Variants in MEF2C observed in about 807,000 individuals in gnomAD.
The protein encoded by MEF2C is myocyte enhancer factor 2C, also known as myocyte-specific enhancer factor 2C.
MEF2C carries 6 observed loss-of-function variants against 50.5 expected under a neutral mutation model. That is an observed-to-expected ratio of 0.12 (90% confidence interval 0.07 to 0.23). MEF2C has a LOEUF of 0.23. MEF2C is among the 10% of genes least tolerant of loss of function. The pLI is 1.00. For missense variants in MEF2C, 276 were observed against 605.0 expected (o/e 0.46, Z 5.70); for synonymous variants, 183 against 228.0 (o/e 0.80, Z 1.78).
chr5:88,724,319 G>GC lies in MEF2C; in HGVS notation c.1101-1395dup, dbSNP rs151260801. Among the ~76,000 whole-genome samples the GC allele has an allele frequency of 3.2e-4, 49 of 152,112 alleles. No homozygotes were observed. The East Asian group carries it at 8.1e-3, about 25-fold the overall frequency. ...ACTTGGGGCTGGCTTTTTGGGAGAT[G>GC]CAATACAAACTCAAGATGTATAGTG... On this transcript the variant is annotated intron_variant, in intron 10 of 10. Coordinates refer to ENST00000504921, the MANE Select transcript of MEF2C (RefSeq NM_002397.5).
At chr5:88,873,427 A>ATACTTTGAAGCAAGAAGGAAGC (rs1830121593) in intron 1 of MEF2C, among the ~76,000 whole-genome samples, 2 of 152,054 alleles carry the variant, frequency 1.3e-5, no homozygotes, top group Non-Finnish European at 1.5e-5. Flanking sequence ...ACGATACCAA[A>ATACTTTGAAGCAAGAAGGAAGC]TACTTTGAAG....
intron 6 of MEF2C, chr5:88,743,392 A>T: frequency 4.1e-6 from 4 of 985,332 alleles, no homozygotes; most frequent in Non-Finnish European, 4.8e-6. Flanking sequence ...GAAATTTTTG[A>T]TAAGTATTCT....
intron 2 of MEF2C, among the ~76,000 whole-genome samples, chr5:88,811,670 C>T (rs1205992861): frequency 2.6e-5 from 4 of 151,938 alleles, no homozygotes; most frequent in Admixed American, 2.6e-4. Flanking sequence ...AATAAAATAA[C>T]TTTTTTTGTA....
At chr5:88,813,873 AT>A (rs535410266) in intron 2 of MEF2C, among the ~76,000 whole-genome samples, 2 of 151,754 alleles carry the variant, frequency 1.3e-5, no homozygotes, top group African/African-American at 4.8e-5. Context: ...AGGTTTGATC[AT>A]TTTTTTTCCC....
intron 2 of MEF2C, among the ~76,000 whole-genome samples, chr5:88,806,048 T>G: frequency 1.3e-5 from 2 of 152,164 alleles, no homozygotes; most frequent in South Asian, 4.2e-4. Flanking sequence ...TTTTAAACTT[T>G]GTTTAACTTG....
At chr5:88,889,525 C>T (rs1463829303) in intron 1 of MEF2C, 1 of 153,240 alleles carries the variant, frequency 6.5e-6, no homozygotes, top group East Asian at 1.9e-4. Context: ...AGGAGGCAGG[C>T]TCTGGGCCCT....
chr5:88,873,528 GC>G (rs1426952434), intron 1 of MEF2C, among the ~76,000 whole-genome samples: 1 of 151,914 alleles, frequency 6.6e-6, no homozygotes, highest in Non-Finnish European at 1.5e-5. Flanking sequence ...TTTTTTTGAA[GC>G]TATAAAATGA....
At chr5:88,827,871 T>A (rs1811532437) in intron 1 of MEF2C, among the ~76,000 whole-genome samples, 1 of 147,106 alleles carries the variant, frequency 6.8e-6, no homozygotes, top group Non-Finnish European at 1.5e-5. Context: ...AAAAAATCAA[T>A]GCATGCTGGT....
chr5:88,747,330 C>T (rs1485160992), intron 6 of MEF2C, among the ~76,000 whole-genome samples: 10 of 38,880 alleles, frequency 2.6e-4, no homozygotes, highest in African/African-American at 3.9e-4. Context: ...TTTTTTTTTA[C>T]TACTTTTTTT....
At chr5:88,741,610 T>C (rs1469245682) in intron 6 of MEF2C, 19 of 982,392 alleles carry the variant, frequency 1.9e-5, no homozygotes, top group Non-Finnish European at 2.3e-5. Context: ...GTTATAATGT[T>C]TGAATATGTA....
intron 1 of MEF2C, among the ~76,000 whole-genome samples, chr5:88,894,326 T>G (rs1181092932): frequency 6.6e-6 from 1 of 152,222 alleles, no homozygotes; most frequent in African/African-American, 2.4e-5. Context: ...CTATACTGCT[T>G]CCTTGTATTC....
chr5:88,834,173 C>A (rs907119617), intron 1 of MEF2C, among the ~76,000 whole-genome samples: 2 of 152,056 alleles, frequency 1.3e-5, no homozygotes, highest in Admixed American at 1.3e-4. Context: ...AGTTAAATGT[C>A]AGAAATGAGA....
At chr5:88,830,181 G>C (rs966428582) in intron 1 of MEF2C, among the ~76,000 whole-genome samples, 3 of 151,982 alleles carry the variant, frequency 2.0e-5, no homozygotes, top group Non-Finnish European at 2.9e-5. Flanking sequence ...CTACGGAAGA[G>C]CTTCAGGCTG....
At chr5:88,846,536 T>C (rs963917515) in intron 1 of MEF2C, among the ~76,000 whole-genome samples, 1 of 152,166 alleles carries the variant, frequency 6.6e-6, no homozygotes, top group African/African-American at 2.4e-5. Flanking sequence ...AAAAGAAAAT[T>C]AAGCAGTAAA....
At chr5:88,855,791 G>A (rs1320770391) in intron 1 of MEF2C, among the ~76,000 whole-genome samples, 1 of 152,196 alleles carries the variant, frequency 6.6e-6, no homozygotes, top group East Asian at 1.9e-4. Flanking sequence ...CAGCCTTGTG[G>A]AACTGTGAGT....
intron 2 of MEF2C, among the ~76,000 whole-genome samples, chr5:88,822,863 A>C (rs1809066406): frequency 1.3e-5 from 2 of 151,986 alleles, no homozygotes. Context: ...TCCATGATCC[A>C]TATGAGATGG....
chr5:88,736,920 A>C, intron 6 of MEF2C: 3 of 985,364 alleles, frequency 3.0e-6, no homozygotes, highest in Non-Finnish European at 3.6e-6. Flanking sequence ...TTATCTTTTA[A>C]GGATCAACTA....
intron 8 of MEF2C, 29 bp from the exon 9 acceptor site, chr5:88,729,376 G>A: frequency 6.4e-7 from 1 of 1,550,608 alleles, no homozygotes. Context: ...AGACATTACT[G>A]ATGAATTTTT....
intron 2 of MEF2C, chr5:88,819,499 G>T: frequency 2.1e-6 from 1 of 476,556 alleles, no homozygotes; most frequent in Non-Finnish European, 2.7e-6. Context: ...CCTCAGTCAA[G>T]CTCTTTCCTC....
Sources: allele counts gnomAD v4.1 joint callset (sites outside exome capture counted in the v4.1 genomes callset), GRCh38; gene constraint gnomAD v4.1.1; transcripts MANE v1.5; gene names NCBI Gene and HGNC (gene_info 2026-07-23, HGNC 2026-07-21).